PHIP: variants seen among roughly 807,000 people sequenced by gnomAD.
PHIP encodes the protein PHIP subunit of CUL4-Ring ligase complex, also known as PH-interacting protein.
Under a neutral mutation model 236.8 loss-of-function variants are expected in PHIP, and 54 were observed. The observed-to-expected ratio is 0.23, with a 90% CI of 0.18 to 0.29. The LOEUF (loss-of-function observed/expected upper bound fraction) is 0.29. Ranked by LOEUF, PHIP falls within the 10% of genes least tolerant of loss-of-function variation. The probability of loss-of-function intolerance (pLI) is 1.00; values close to 1 mark genes in which losing one functional copy is unlikely to be tolerated. For missense variants in PHIP, 1,370 were observed against 2,190.8 expected, an observed-to-expected ratio of 0.63 and a Z score of 7.48; for synonymous variants, 756 against 718.9, an observed-to-expected ratio of 1.05 and a Z score of -0.83.
At chr6:79,040,036 GATTTT>G (rs891194188) in intron 7 of PHIP, among the ~76,000 whole-genome samples, 2 of 151,912 alleles carry the variant, frequency 1.3e-5, no homozygotes, top group African/African-American at 4.8e-5. Context: ...TTATAAATAA[GATTTT>G]ATTTGGATAA....
At chr6:78,972,382 C>A (rs1470485156) in intron 24 of PHIP, among the ~76,000 whole-genome samples, 1 of 152,172 alleles carries the variant, frequency 6.6e-6, no homozygotes, top group East Asian at 1.9e-4. Flanking sequence ...ATCTGTACAT[C>A]ACCATCATCA....
chr6:78,971,828 A>T (rs895341594), intron 24 of PHIP, among the ~76,000 whole-genome samples: 11 of 152,198 alleles, frequency 7.2e-5, no homozygotes, highest in Non-Finnish European at 1.5e-4. Flanking sequence ...AATGGGCTTA[A>T]AAAACGGCGC....
rs764778456 is a variant in PHIP, at chr6:79,001,976, C to T, written c.1802G>A (p.Arg601Lys). 1 of 1,613,160 alleles carries T rather than the reference C, an allele frequency of 6.2e-7. No individual in the cohort carries two copies. The highest frequency in any genetic ancestry group is 8.5e-7 in the Non-Finnish European group (1 of 1,179,416). Residue 601 changes from arginine to lysine, a missense_variant, in exon 17 of 40, where the codon AGA becomes AAA. Physicochemically the swap from Arg to Lys is conservative, Grantham distance 26 (BLOSUM62 2). Coordinates refer to ENST00000275034, the MANE Select transcript of PHIP (RefSeq NM_017934.7). ...VDVDGNPHPS[R>K]YQRLVPGREN... is the part of the protein sequence containing the mutation. ...ACGGCCAGGAACTAATCTTTGATAT[C>T]TTGATGGATGAGGGTTACCATCAAC... is the stretch of plus-strand genomic sequence containing the variant.
Position 79,015,612 on chromosome 6 carries a change from A to T in PHIP, c.1389+18T>A, listed in dbSNP as rs1208119162. 1.3e-6 allele frequency: 2 copies of T among 1,554,408 alleles called. No individual in the cohort carries two copies. Among genetic ancestry groups the T allele is most frequent in the Non-Finnish European group, 1.8e-6 (2 of 1,138,340 alleles). On this transcript the variant is annotated intron_variant, in intron 14 of 39. Coordinates refer to ENST00000275034, the MANE Select transcript of PHIP (RefSeq NM_017934.7). ...TCAGCTTCAGTTATATCAAATAAAG[A>T]TTAGAATTTTTTCTCACCATCAGGA...
chr6:79,051,573 T>C, intron 6 of PHIP, among the ~76,000 whole-genome samples: 1 of 152,178 alleles, frequency 6.6e-6, no homozygotes, highest in East Asian at 1.9e-4. Flanking sequence ...TGAAACATAC[T>C]ATGTTTTTAA....
Position 79,078,064 on chromosome 6 carries a change from G to A in PHIP, c.5C>T (p.Ser2Phe). MSCERKGLSELR... is the reference protein window; with the variant it reads MFCERKGLSELR... ...CTCCGAGAGGCCTTTCCTCTCACAA[G>A]ACATGTTTATGGGTCACTTCAGGGC... Residue 2 changes from serine to phenylalanine, a missense_variant, in exon 1 of 40, where the codon TCT becomes TTT. Ser to Phe is a radical substitution (Grantham distance 155, BLOSUM62 -2). Coordinates refer to ENST00000275034, the MANE Select transcript of PHIP (RefSeq NM_017934.7). The A allele has an allele frequency of 6.2e-7, 1 of 1,609,268 alleles. No homozygotes were observed. Among genetic ancestry groups the A allele is most frequent in the Middle Eastern group, 2.3e-4 (1 of 4,436 alleles).
intron 16 of PHIP, among the ~76,000 whole-genome samples, chr6:79,003,304 A>T (rs1424805285): frequency 6.6e-6 from 1 of 152,062 alleles, no homozygotes; most frequent in Non-Finnish European, 1.5e-5. Context: ...ATTAACTACA[A>T]TCAGGTAATA....
rs58570604 is a variant in PHIP at position 79,065,764 on chromosome 6, C to CCACACA, written c.190-4952_190-4947dup. ...ATGAATCTTTTTGCTCTTAACTATA[C>CCACACA]CACACACACACACACACACACACAC... is the stretch of plus-strand genomic sequence containing the variant. On this transcript the variant is annotated intron_variant, in intron 4 of 39. Transcript: ENST00000275034. Among the ~76,000 whole-genome samples, 1,170 of 143,462 alleles carry CCACACA rather than the reference C, an allele frequency of 8.2e-3. 7 individuals are homozygous for CCACACA. The highest frequency in any genetic ancestry group is 0.022 in the South Asian group (95 of 4,356). The allele number at this position is 143,462 out of a possible 152,430, so 94.1% of individuals were successfully genotyped here.
chr6:78,942,233 A>G (rs1773541493), intron 39 of PHIP, among the ~76,000 whole-genome samples: 1 of 152,358 alleles, frequency 6.6e-6, no homozygotes, highest in South Asian at 2.1e-4. Flanking sequence ...TTATAATCCC[A>G]GCACTCTGGG....
chr6:79,075,355 G>A (rs138474821), intron 4 of PHIP, among the ~76,000 whole-genome samples: 10 of 152,178 alleles, frequency 6.6e-5, no homozygotes, highest in East Asian at 3.9e-4. Flanking sequence ...AAGAGAAAAC[G>A]AGTCAAAGAA....
intron 24 of PHIP, among the ~76,000 whole-genome samples, chr6:78,977,449 A>G (rs1267871931): frequency 1.3e-5 from 2 of 152,090 alleles, no homozygotes; most frequent in African/African-American, 2.4e-5. Flanking sequence ...TGGGTGCAGC[A>G]CACCAGCATG....
At chr6:78,991,079 T>C in intron 19 of PHIP, 94 bp from the exon 20 acceptor site, 1 of 702,818 alleles carries the variant, frequency 1.4e-6, no homozygotes, top group South Asian at 1.9e-5. Flanking sequence ...ACGCTACTCC[T>C]GATGTTTTAT....
chr6:78,953,569 A>G (rs183418390), intron 35 of PHIP, among the ~76,000 whole-genome samples: 1 of 152,320 alleles, frequency 6.6e-6, no homozygotes, highest in African/African-American at 2.4e-5. Context: ...GTTTTTTGAA[A>G]GGTGAGGTTC....
chr6:79,002,950 G>C (rs1770083071), intron 16 of PHIP, among the ~76,000 whole-genome samples: 1 of 151,796 alleles, frequency 6.6e-6, no homozygotes, highest in Admixed American at 6.6e-5. Context: ...AACTCAACCA[G>C]GACATAAATT....
At chr6:79,048,883 A>G (rs1409472583) in intron 6 of PHIP, among the ~76,000 whole-genome samples, 1 of 152,142 alleles carries the variant, frequency 6.6e-6, no homozygotes, top group Non-Finnish European at 1.5e-5. Flanking sequence ...AACCTGGAGA[A>G]CCAATTTTTA....
intron 15 of PHIP, among the ~76,000 whole-genome samples, chr6:79,006,843 C>T (rs920170789): frequency 6.6e-6 from 1 of 151,766 alleles, no homozygotes; most frequent in African/African-American, 2.4e-5. Context: ...CCACATAAAG[C>T]TCATAGACAT....
chr6:79,034,160 G>A (rs142633750), intron 7 of PHIP, among the ~76,000 whole-genome samples: 61 of 152,244 alleles, frequency 4.0e-4, no homozygotes, highest in African/African-American at 1.3e-3. Context: ...TATGTTGTTA[G>A]AAAAATGATG....
chr6:79,073,434 TCTA>T (rs1168011372), intron 4 of PHIP, among the ~76,000 whole-genome samples: 1 of 152,188 alleles, frequency 6.6e-6, no homozygotes, highest in Non-Finnish European at 1.5e-5. Flanking sequence ...AAATAGTAAC[TCTA>T]CTACAACTAC....
chr6:78,996,380 G>A lies in PHIP; in HGVS notation c.2201+1034C>T, dbSNP rs148717130. Among the ~76,000 whole-genome samples, 369 of 152,134 alleles carry A rather than the reference G, an allele frequency of 2.4e-3. 3 individuals carry two copies. The highest frequency in any genetic ancestry group is 8.1e-3 in the South Asian group (39 of 4,818). On this transcript the variant is annotated intron_variant, in intron 19 of 39. Coordinates refer to ENST00000275034, the MANE Select transcript of PHIP (RefSeq NM_017934.7). ...GTTACTGATATGGGTTTTATTTCAC[G>A]AAATAAAAAGTGATAGTAACAAACA...
Sources: allele counts gnomAD v4.1 joint callset (sites outside exome capture counted in the v4.1 genomes callset), GRCh38; gene constraint gnomAD v4.1.1; transcripts MANE v1.5; gene names NCBI Gene and HGNC (gene_info 2026-07-23, HGNC 2026-07-21).